RAPGEFL1: variants seen among roughly 807,000 people sequenced by gnomAD.
RAPGEFL1 encodes rap guanine nucleotide exchange factor-like 1.
In RAPGEFL1, 31 loss-of-function variants were observed where a neutral mutation model predicts 64.4. The observed-to-expected ratio is 0.48, with a 90% CI of 0.36 to 0.65. RAPGEFL1 has a LOEUF of 0.65. Ranked by LOEUF, RAPGEFL1 falls within the 30% of genes least tolerant of loss-of-function variation. The pLI, the probability that RAPGEFL1 is intolerant of heterozygous loss-of-function variation, is 0.00. For synonymous variants in RAPGEFL1, 331 were observed against 274.1 expected (o/e 1.21, Z -2.05); for missense variants, 682 against 677.4 (o/e 1.01, Z -0.08).
Position 40,191,756 on chromosome 17 carries a change from C to T in RAPGEFL1, c.1605+84C>T, listed in dbSNP as rs1355488232. 3.6e-6 allele frequency: 5 copies of T among 1,376,340 alleles called. No individual in the cohort carries two copies. Among genetic ancestry groups the T allele is most frequent in the Non-Finnish European group, 5.1e-6 (5 of 988,724 alleles). 85.3% of individuals were successfully genotyped at this position (1,376,340 alleles called of 1,614,324 possible). On this transcript the variant is annotated intron_variant, in intron 10 of 14. Coordinates refer to ENST00000620260, the MANE Select transcript of RAPGEFL1 (RefSeq NM_016339.6). This position sits in a 1 kb window ranked among gnomAD's most constrained non-coding sequence, Gnocchi z 5.1. The stretch of plus-strand genomic sequence containing the variant: ...GCGTCCTCCCGGGACGGCCGCCGGC[C>T]TGGAGGGAGTCTTTGCGCCAGTTGG...
Position 40,192,589 on chromosome 17 carries a change from C to T in RAPGEFL1, c.1657-17C>T. ...TTGGCCAGTCTGTCCCTTGATCTCTCTCCTGTGGAATACTAGGACCCCTGC... is the reference window on the plus strand; with the variant it reads ...TTGGCCAGTCTGTCCCTTGATCTCTTTCCTGTGGAATACTAGGACCCCTGC... On this transcript the variant is annotated splice_polypyrimidine_tract_variant and intron_variant, in intron 11 of 14. Transcript: ENST00000620260. 1 of 1,600,710 alleles carries T rather than the reference C, an allele frequency of 6.2e-7. No individual in the cohort carries two copies. Among genetic ancestry groups the T allele is most frequent in the South Asian group, 1.1e-5 (1 of 90,662 alleles).
intron 12 of RAPGEFL1, 112 bp from the exon 13 acceptor site, chr17:40,192,814 C>T: frequency 7.5e-7 from 1 of 1,339,738 alleles, no homozygotes; most frequent in Non-Finnish European, 1.1e-6. Context: ...GAGGAGCCCC[C>T]CACCACAGAC....
Position 40,191,617 on chromosome 17 carries a change from C to T in RAPGEFL1, c.1550C>T (p.Ala517Val), listed in dbSNP as rs774684731. 1.9e-6 allele frequency: 3 copies of T among 1,613,368 alleles called. No homozygotes were observed. Among genetic ancestry groups the T allele is most frequent in the Non-Finnish European group, 2.5e-6 (3 of 1,179,818 alleles). Residue 517 changes from alanine to valine, a missense_variant, in exon 10 of 15, where the codon GCC becomes GTC. Physicochemically the swap from Ala to Val is moderately conservative, Grantham distance 64. This residue lies in a region of RAPGEFL1 where 411 missense variants were observed against 519.4 expected (regional missense o/e 0.79). Transcript: ENST00000620260. The surrounding 1 kb of genome is among the most constrained non-coding windows in gnomAD (Gnocchi z 5.1). ...AACCAGGACCTGCTGTCTTTCTACG[C>T]CGTGGTCATGGGGCTGGACAACGCC... Reference protein sequence around the residue: ...KQNQDLLSFYAVVMGLDNAAV... With the variant: ...KQNQDLLSFYVVVMGLDNAAV...
chr17:40,178,499 G>T, intron 1 of RAPGEFL1, 118 bp downstream of exon 1: 1 of 418,472 alleles, frequency 2.4e-6, no homozygotes, highest in Non-Finnish European at 4.2e-6. Flanking sequence ...TGAGTGGTCC[G>T]CGGAAGCCGG....
Position 40,192,207 on chromosome 17 carries a change from C to G in RAPGEFL1, c.1606-6C>G. ...ATATCCCTTCTCCTTCCTTCAAACT[C>G]TGCAGAAGCTGCCAGGGAAATTCAA... On this transcript the variant is annotated splice_polypyrimidine_tract_variant and splice_region_variant and intron_variant, in intron 10 of 14. Coordinates refer to ENST00000620260, the MANE Select transcript of RAPGEFL1 (RefSeq NM_016339.6). 1.2e-6 allele frequency: 2 copies of G among 1,613,650 alleles called. No individual in the cohort carries two copies. The highest frequency in any genetic ancestry group is 1.7e-6 in the Non-Finnish European group (2 of 1,179,516).
chr17:40,187,822 C>T (rs1990127407), intron 4 of RAPGEFL1, among the ~76,000 whole-genome samples: 1 of 151,502 alleles, frequency 6.6e-6, no homozygotes, highest in Admixed American at 6.6e-5. Flanking sequence ...ATCGTGTTAG[C>T]CAGGATGGTC....
At chr17:40,188,758 G>T in intron 4 of RAPGEFL1, 108 bp from the exon 5 acceptor site, 1 of 817,892 alleles carries the variant, frequency 1.2e-6, no homozygotes, top group South Asian at 1.4e-5. Context: ...AATTGCTGCT[G>T]GTGCATCCTT....
At chr17:40,187,261 G>A (rs1990108409) in intron 4 of RAPGEFL1, among the ~76,000 whole-genome samples, 1 of 152,160 alleles carries the variant, frequency 6.6e-6, no homozygotes, top group Non-Finnish European at 1.5e-5. Flanking sequence ...GGACACCACT[G>A]TATCCATCCA....
At position 40,191,358 on chromosome 17, in the gene RAPGEFL1, C is replaced by G; in HGVS notation, c.1378C>G (p.Arg460Gly). 1.9e-6 allele frequency: 3 copies of G among 1,593,308 alleles called. No homozygotes were observed. The highest frequency in any genetic ancestry group is 2.6e-6 in the Non-Finnish European group (3 of 1,176,386). The change falls in exon 9 of 15, where the codon CGG becomes GGG. Residue 460 changes from arginine to glycine, a missense_variant. Arg to Gly is a moderately radical substitution (Grantham distance 125). Coordinates refer to ENST00000620260, the MANE Select transcript of RAPGEFL1 (RefSeq NM_016339.6). This position sits in a 1 kb window ranked among gnomAD's most constrained non-coding sequence, Gnocchi z 5.1. The part of the protein sequence containing the change: ...DYVFHGERGR[R>G]ETANLELLLQ... ...CGTGTTCCACGGGGAGCGCGGCCGCCGGGAGACGGCCAACTTGGAGCTGCT... is the reference window on the plus strand; with the variant it reads ...CGTGTTCCACGGGGAGCGCGGCCGCGGGGAGACGGCCAACTTGGAGCTGCT...
At chr17:40,177,337 C>G, upstream of RAPGEFL1, 1 of 702,412 alleles carries the variant, frequency 1.4e-6, no homozygotes, top group Non-Finnish European at 2.6e-6. Flanking sequence ...GAACCCAAGT[C>G]CCTTACTGTT....
rs1249557610 is a variant in RAPGEFL1, at chr17:40,192,584, T to G, written c.1657-22T>G. The G allele has an allele frequency of 2.5e-6, 4 of 1,595,858 alleles. No homozygotes were observed. In the East Asian group the frequency reaches 6.7e-5, roughly 27 times the overall value. On this transcript the variant is annotated intron_variant, in intron 11 of 14. Transcript: ENST00000620260. ...ATGCATTGGCCAGTCTGTCCCTTGATCTCTCTCCTGTGGAATACTAGGACC... is the reference window on the plus strand; with the variant it reads ...ATGCATTGGCCAGTCTGTCCCTTGAGCTCTCTCCTGTGGAATACTAGGACC...
At chr17:40,192,769 C>T in intron 12 of RAPGEFL1, 76 bp downstream of exon 12, 1 of 1,462,858 alleles carries the variant, frequency 6.8e-7, no homozygotes, top group South Asian at 1.2e-5. Context: ...TGACTTCCAG[C>T]TCCCTCTCGA....
At chr17:40,183,430 G>A (rs1989952276) in intron 2 of RAPGEFL1, among the ~76,000 whole-genome samples, 2 of 150,664 alleles carry the variant, frequency 1.3e-5, no homozygotes, top group African/African-American at 5.0e-5. Flanking sequence ...CTTGGCTTCA[G>A]GACCACCGAA....
In RAPGEFL1 at chr17:40,178,135, G is replaced by T. The variant is rs1413092564; in HGVS notation, c.274G>T (p.Ala92Ser). The T allele has an allele frequency of 5.4e-6, 3 of 556,224 alleles. No homozygotes were observed. The highest frequency in any genetic ancestry group is 4.2e-5 in the South Asian group (2 of 47,752). The allele number at this position is 556,224 out of a possible 1,614,324, so 34.5% of individuals were successfully genotyped here. A position where few individuals can be genotyped will look rare whatever the true frequency, so the allele number is the denominator to read the frequency against. Residue 92 changes from alanine to serine, a missense_variant, in exon 1 of 15, where the codon GCG becomes TCG. By Grantham distance (99) the Ala-to-Ser change is moderately conservative. Coordinates refer to ENST00000620260, the MANE Select transcript of RAPGEFL1 (RefSeq NM_016339.6). Reference sequence around the variant, plus strand: ...GGAAGGAGGAGAGCCGGCGGGGGTCGCGGAGGAGCCGGGCAGCGGGGGGCC... The same window carrying T: ...GGAAGGAGGAGAGCCGGCGGGGGTCTCGGAGGAGCCGGGCAGCGGGGGGCC... ...EEEGGEPAGV[A>S]EEPGSGGPCW...
intron 13 of RAPGEFL1, 107 bp from the exon 14 acceptor site, chr17:40,193,256 G>T: frequency 8.0e-7 from 1 of 1,256,266 alleles, no homozygotes; most frequent in South Asian, 1.2e-5. Flanking sequence ...CTCCAGAATT[G>T]GAGACTGGAG....
In RAPGEFL1 at chr17:40,181,653, C is replaced by T. The variant is rs1989898622; in HGVS notation, c.558C>T (p.Leu186=). 2 of 702,774 alleles carry T rather than the reference C, an allele frequency of 2.8e-6. No homozygotes were observed. Among genetic ancestry groups the T allele is most frequent in the South Asian group, 3.0e-5 (2 of 67,612 alleles). The allele number at this position is 702,774 out of a possible 1,614,324, so 43.5% of individuals were successfully genotyped here. The part of the protein sequence containing the change: ...LLDDIVLTHS[L]FLPTEKFLQE... ...ATGACATTGTCCTTACCCATTCTCT[C>T]TTCCTCCCGACGGAGAAATTTCTGC... Residue 186 remains leucine, a synonymous_variant, in exon 2 of 15, where the codon CTC becomes CTT. Coordinates refer to ENST00000620260, the MANE Select transcript of RAPGEFL1 (RefSeq NM_016339.6).
chr17:40,178,516 G>A (rs1989795630), intron 1 of RAPGEFL1, 135 bp downstream of exon 1: 3 of 416,658 alleles, frequency 7.2e-6, no homozygotes, highest in South Asian at 7.2e-5. Context: ...CCGGCTAGGG[G>A]CCTAGCGGAG....
At chr17:40,184,375 G>C (rs370883928) in intron 3 of RAPGEFL1, 26 bp downstream of exon 3, 2 of 1,586,090 alleles carry the variant, frequency 1.3e-6, no homozygotes, top group African/African-American at 2.7e-5. Context: ...GAGAAGGTGG[G>C]TAAACAGGCT....
At position 40,178,071 on chromosome 17, in the gene RAPGEFL1, GC is replaced by G; in HGVS notation, c.216del (p.Ala73ProfsTer65). ...RLLLPAFLRE[P>X]PAEPGLEPPP... ...TGCTGCTCCCCGCTTTCCTCCGGGA[GC>G]CCCCCGCCGAGCCGGGGCTGGAGCC... On this transcript the variant is annotated frameshift_variant, in exon 1 of 15. Transcript: ENST00000620260. LOFTEE classifies it high-confidence loss of function. The G allele has an allele frequency of 3.3e-6, 2 of 602,862 alleles. No homozygotes were observed. Among genetic ancestry groups the G allele is most frequent in the South Asian group, 1.9e-5 (1 of 53,960 alleles). The allele number at this position is 602,862 out of a possible 1,614,324, so 37.3% of individuals were successfully genotyped here.
Sources: allele counts gnomAD v4.1 joint callset (sites outside exome capture counted in the v4.1 genomes callset), GRCh38; gene constraint gnomAD v4.1.1; regional missense constraint gnomAD v4.1.1; non-coding constraint Gnocchi (gnomAD v3.1); transcripts MANE v1.5; gene names NCBI Gene and HGNC (gene_info 2026-07-23, HGNC 2026-07-21).